The following RIT2 variants were observed in gnomAD, a reference collection of about 807,000 sequenced individuals.
RIT2 encodes the protein Ras like without CAAX 2, also known as GTP-binding protein Rit2.
In RIT2, 24 loss-of-function variants were observed where a neutral mutation model predicts 23.7. That is an observed-to-expected ratio of 1.01 (90% CI 0.73 to 1.43). RIT2 has a LOEUF of 1.43. Ranked by LOEUF, RIT2 falls within the 40% of genes most tolerant of loss-of-function variation. The pLI is 0.00. For synonymous variants in RIT2, 107 were observed against 91.1 expected, an observed-to-expected ratio of 1.17 and a Z score of -0.99; for missense variants, 236 against 266.9, an observed-to-expected ratio of 0.88 and a Z score of 0.81.
chr18:42,807,392 G>A (rs1299981941), intron 4 of RIT2, among the ~76,000 whole-genome samples: 2 of 152,122 alleles, frequency 1.3e-5, no homozygotes, highest in Admixed American at 6.6e-5. Context: ...CAAGGCAGGC[G>A]GATCACCTGA....
chr18:43,113,978 G>A (rs1914010462), intron 1 of RIT2, among the ~76,000 whole-genome samples: 1 of 152,010 alleles, frequency 6.6e-6, no homozygotes, highest in Non-Finnish European at 1.5e-5. Context: ...TTCTTGTAAA[G>A]TATAACTTCA....
intron 4 of RIT2, among the ~76,000 whole-genome samples, chr18:42,775,225 T>C (rs1913640093): frequency 6.6e-6 from 1 of 152,158 alleles, no homozygotes; most frequent in South Asian, 2.1e-4. Flanking sequence ...CCATCTTTAA[T>C]AAGGCTAATC....
intron 1 of RIT2, among the ~76,000 whole-genome samples, chr18:43,044,165 G>A (rs1912194199): frequency 6.6e-6 from 1 of 152,172 alleles, no homozygotes; most frequent in African/African-American, 2.4e-5. Context: ...GTGGAGTTTG[G>A]TAAAGATCTC....
At chr18:43,092,812 C>A (rs962014284) in intron 1 of RIT2, among the ~76,000 whole-genome samples, 2 of 152,022 alleles carry the variant, frequency 1.3e-5, no homozygotes, top group African/African-American at 2.4e-5. Context: ...AGCAAGAAAT[C>A]ATGGCTGAAA....
chr18:42,943,727 G>C (rs900106516), intron 3 of RIT2, among the ~76,000 whole-genome samples: 6 of 152,112 alleles, frequency 3.9e-5, no homozygotes, highest in African/African-American at 1.4e-4. Flanking sequence ...GGTAGAATTG[G>C]TTTTGTGATA....
At chr18:43,015,467 G>A (rs889107324) in intron 2 of RIT2, among the ~76,000 whole-genome samples, 1 of 151,700 alleles carries the variant, frequency 6.6e-6, no homozygotes, top group Non-Finnish European at 1.5e-5. Flanking sequence ...GTAATTGGAT[G>A]TTTAGTTTTA....
At chr18:43,054,464 T>C (rs76015536) in intron 1 of RIT2, among the ~76,000 whole-genome samples, 1,861 of 152,210 alleles carry the variant, frequency 0.012, 37 homozygotes, top group African/African-American at 0.041. Context: ...AAAGGTGGTC[T>C]ATATGGACTC....
intron 4 of RIT2, among the ~76,000 whole-genome samples, chr18:42,880,788 C>T (rs1325017892): frequency 1.4e-5 from 2 of 144,712 alleles, no homozygotes; most frequent in African/African-American, 5.1e-5. Flanking sequence ...AAACAGAATT[C>T]TTCCTCTTCC....
At position 42,897,986 on chromosome 18, in the gene RIT2, G is replaced by C. The variant is rs554801540; in HGVS notation, c.426+25586C>G. Among the ~76,000 whole-genome samples the C allele has an allele frequency of 1.2e-4, 19 of 152,262 alleles. No individual in the cohort carries two copies. In the South Asian group the frequency reaches 3.9e-3, roughly 32 times the overall value. ...AGCTTGTAATCGTGGGCAAAAGATG[G>C]AAGCAGAGGTAGAGGAGGGTGAAAT... On this transcript the variant is annotated intron_variant, in intron 4 of 4. Coordinates refer to ENST00000326695, the MANE Select transcript of RIT2 (RefSeq NM_002930.4).
rs573719139 is a variant in RIT2, at chr18:42,943,180, T to C, written c.235-19417A>G. Among the ~76,000 whole-genome samples, 5 of 152,258 alleles carry C rather than the reference T, an allele frequency of 3.3e-5. No individual in the cohort carries two copies. The South Asian group carries it at 1.0e-3, about 32-fold the overall frequency. On this transcript the variant is annotated intron_variant, in intron 3 of 4. Coordinates refer to ENST00000326695, the MANE Select transcript of RIT2 (RefSeq NM_002930.4). The stretch of plus-strand genomic sequence containing the variant: ...TTTGTCCCCGCCCATGTTCTGTTTC[T>C]GTCCTATCAGAATGCCCTTTTTTCA...
chr18:42,994,530 A>G (rs550807303), intron 2 of RIT2, among the ~76,000 whole-genome samples: 15 of 150,750 alleles, frequency 1.0e-4, no homozygotes, highest in Non-Finnish European at 1.9e-4. Flanking sequence ...TCCTTTCCCC[A>G]CTCCTCTTTC....
At chr18:42,856,345 C>T (rs553193187) in intron 4 of RIT2, among the ~76,000 whole-genome samples, 2 of 152,208 alleles carry the variant, frequency 1.3e-5, no homozygotes, top group Non-Finnish European at 2.9e-5. Flanking sequence ...TGCTGGGTTA[C>T]CCTACTCCAT....
chr18:42,747,286 C>T (rs1912940358), intron 4 of RIT2, among the ~76,000 whole-genome samples: 1 of 151,906 alleles, frequency 6.6e-6, no homozygotes, highest in South Asian at 2.1e-4. Flanking sequence ...ATAAGATAAC[C>T]TGTTTTACAA....
intron 1 of RIT2, among the ~76,000 whole-genome samples, chr18:43,104,038 G>A (rs1422036428): frequency 1.3e-5 from 2 of 152,064 alleles, no homozygotes; most frequent in Non-Finnish European, 1.5e-5. Context: ...ACAACGGAAC[G>A]CCCATCAACA....
intron 3 of RIT2, among the ~76,000 whole-genome samples, chr18:42,931,107 G>A (rs990280244): frequency 1.3e-5 from 2 of 151,972 alleles, no homozygotes; most frequent in African/African-American, 4.8e-5. Flanking sequence ...TAACCTACCT[G>A]AGCATCATAT....
intron 4 of RIT2, among the ~76,000 whole-genome samples, chr18:42,864,851 T>C (rs1907427589): frequency 6.6e-6 from 1 of 152,158 alleles, no homozygotes; most frequent in Non-Finnish European, 1.5e-5. Flanking sequence ...AAGGTGGGGA[T>C]TGCTATAGAC....
intron 4 of RIT2, among the ~76,000 whole-genome samples, chr18:42,848,779 T>G (rs999996795): frequency 1.1e-4 from 16 of 152,166 alleles, no homozygotes; most frequent in African/African-American, 3.9e-4. Flanking sequence ...TTTGAAGTAC[T>G]GTTCTGAAAT....
At chr18:42,948,587 C>T (rs1461089543) in intron 3 of RIT2, among the ~76,000 whole-genome samples, 4 of 152,182 alleles carry the variant, frequency 2.6e-5, no homozygotes, top group Middle Eastern at 3.4e-3. Context: ...GAGCAGAATG[C>T]AAACTAGAGA....
intron 4 of RIT2, among the ~76,000 whole-genome samples, chr18:42,881,297 T>C (rs565945496): frequency 6.6e-6 from 1 of 152,352 alleles, no homozygotes; most frequent in South Asian, 2.1e-4. Context: ...TATTTTGCTA[T>C]CTCAATTTTT....
Sources: gnomAD v4.1 joint callset for allele counts (sites outside exome capture counted in the v4.1 genomes callset) on GRCh38, gnomAD v4.1.1 for gene constraint, MANE v1.5 for transcripts, NCBI Gene and HGNC (gene_info 2026-07-23, HGNC 2026-07-21) for gene names.